Variants in MRTFB observed in about 807,000 individuals in gnomAD.
MRTFB encodes myocardin-related transcription factor B.
MRTFB carries 29 observed loss-of-function variants against 104.2 expected under a neutral mutation model. That is an observed-to-expected ratio of 0.28 (90% CI 0.21 to 0.38). MRTFB has a LOEUF of 0.38. Among genes scored for constraint, MRTFB ranks in the 10% least tolerant of loss-of-function variants. The probability of loss-of-function intolerance (pLI) is 1.00; values close to 1 mark genes in which losing one functional copy is unlikely to be tolerated. For missense variants in MRTFB, 1,270 were observed against 1,341.6 expected, an observed-to-expected ratio of 0.95 and a Z score of 0.83; for synonymous variants, 535 against 519.5, an observed-to-expected ratio of 1.03 and a Z score of -0.41.
At chr16:14,027,946 A>G in the MRTFB span, among the ~76,000 whole-genome samples, 1 of 152,170 alleles carries the variant, frequency 6.6e-6, no homozygotes, top group Non-Finnish European at 1.5e-5. Context: ...GGAGGCTAAG[A>G]CAGGCAGATG....
At chr16:14,106,747 A>T (rs562512024) in intron 2 of MRTFB, among the ~76,000 whole-genome samples, 1 of 152,296 alleles carries the variant, frequency 6.6e-6, no homozygotes, top group East Asian at 1.9e-4. Flanking sequence ...TGGATGACAA[A>T]TCTTGTTTGT....
intron 10 of MRTFB, among the ~76,000 whole-genome samples, chr16:14,243,864 G>GTTTGTTTTTTTTTTTT (rs750881308): frequency 7.2e-5 from 9 of 124,674 alleles, no homozygotes; most frequent in African/African-American, 3.4e-4. Context: ...CCTGTTTTGG[G>GTTTGTTTTTTTTTTTT]TTTTTTTTTT....
At chr16:14,210,740 T>C (rs1416106641) in intron 4 of MRTFB, among the ~76,000 whole-genome samples, 1 of 152,250 alleles carries the variant, frequency 6.6e-6, no homozygotes, top group East Asian at 1.9e-4. Flanking sequence ...ATGATCTGTG[T>C]ACAGTAATTA....
At chr16:14,033,661 A>G in the MRTFB span, among the ~76,000 whole-genome samples, 1 of 151,946 alleles carries the variant, frequency 6.6e-6, no homozygotes, top group Non-Finnish European at 1.5e-5. Flanking sequence ...TACATGGTGA[A>G]ACCCCATCTC....
At chr16:14,187,088 C>G in intron 3 of MRTFB, 1 of 1,471,376 alleles carries the variant, frequency 6.8e-7, no homozygotes, top group Non-Finnish European at 9.2e-7. Flanking sequence ...TTCTGGTCAG[C>G]CAGCTGAGCG....
intron 2 of MRTFB, among the ~76,000 whole-genome samples, chr16:14,080,672 A>G (rs535830356): frequency 4.1e-4 from 63 of 152,140 alleles, no homozygotes; most frequent in African/African-American, 1.3e-3. Context: ...CCGACCTTCT[A>G]ACGCCTCTGG....
chr16:14,126,136 C>T (rs956979350), intron 2 of MRTFB, among the ~76,000 whole-genome samples: 2 of 152,048 alleles, frequency 1.3e-5, no homozygotes, highest in African/African-American at 4.8e-5. Context: ...AGTTTGGTTA[C>T]CTAGTTTCAA....
intron 3 of MRTFB, among the ~76,000 whole-genome samples, chr16:14,168,148 A>ATG (rs1034067063): frequency 3.9e-5 from 6 of 151,910 alleles, no homozygotes; most frequent in Admixed American, 6.6e-5. Context: ...ATGGTTGTAG[A>ATG]TGTGTGGTCT....
chr16:14,046,045 G>C, the MRTFB span, among the ~76,000 whole-genome samples: 2 of 152,180 alleles, frequency 1.3e-5, no homozygotes, highest in Non-Finnish European at 2.9e-5. Flanking sequence ...CGTCTACTTT[G>C]TTGCAAGGCA....
At chr16:14,240,555 A>T (rs1445050823) in intron 10 of MRTFB, 71 bp downstream of exon 10, 16 of 1,608,374 alleles carry the variant, frequency 9.9e-6, no homozygotes, top group Non-Finnish European at 1.2e-5. Flanking sequence ...ATAAGTTACC[A>T]AAAGTTGAAT....
Position 14,240,835 on chromosome 16 carries a change from A to C in MRTFB, c.1079+351A>C, listed in dbSNP as rs752850146. 8 of 672,930 alleles carry C rather than the reference A, an allele frequency of 1.2e-5. No homozygotes were observed. In the East Asian group the frequency reaches 2.1e-4, roughly 17 times the overall value. 41.7% of individuals were successfully genotyped at this position (672,930 alleles called of 1,614,324 possible). A position where few individuals can be genotyped will look rare whatever the true frequency, so the allele number is the denominator to read the frequency against. Reference sequence around the variant, plus strand: ...TGGCATAAACAGCTAAAAGAAGAGAAGGATGGGCATGAAAGCTGGAGTGGT... The same window carrying C: ...TGGCATAAACAGCTAAAAGAAGAGACGGATGGGCATGAAAGCTGGAGTGGT... On this transcript the variant is annotated intron_variant, in intron 10 of 16. Transcript: ENST00000571589.
intron 1 of MRTFB, among the ~76,000 whole-genome samples, chr16:14,071,681 C>T (rs769563851): frequency 2.6e-5 from 4 of 152,272 alleles, no homozygotes; most frequent in East Asian, 1.9e-4. Flanking sequence ...TATGGAGCCT[C>T]TGCTGTGTGC....
chr16:14,157,714 G>C (rs557404133), intron 3 of MRTFB, among the ~76,000 whole-genome samples: 176 of 152,118 alleles, frequency 1.2e-3, no homozygotes, highest in Non-Finnish European at 2.1e-3. Context: ...TATTGAGTTT[G>C]GTTCTCAGGT....
chr16:14,252,203 A>G (rs367711118), intron 14 of MRTFB, among the ~76,000 whole-genome samples, 162 bp from the exon 15 acceptor site: 1 of 152,164 alleles, frequency 6.6e-6, no homozygotes, highest in African/African-American at 2.4e-5. Flanking sequence ...GTTCGCACAT[A>G]AGGTGGCCAC....
At chr16:14,234,023 A>T in intron 8 of MRTFB, 123 bp from the exon 9 acceptor site, 1 of 1,192,524 alleles carries the variant, frequency 8.4e-7, no homozygotes, top group Non-Finnish European at 1.2e-6. Context: ...ACATAATCAT[A>T]TATTTTTCCT....
At chr16:14,216,503 G>GT (rs1184800221) in intron 6 of MRTFB, among the ~76,000 whole-genome samples, 4 of 152,168 alleles carry the variant, frequency 2.6e-5, no homozygotes, top group African/African-American at 9.7e-5. Context: ...TTATGCATTT[G>GT]TAAGTAGATG....
chr16:14,221,720 C>T (rs2041716952), intron 8 of MRTFB, among the ~76,000 whole-genome samples: 1 of 151,568 alleles, frequency 6.6e-6, no homozygotes, highest in Non-Finnish European at 1.5e-5. Flanking sequence ...TTGCTGTTGA[C>T]CAGTCCTCGA....
the MRTFB span, among the ~76,000 whole-genome samples, chr16:14,023,610 C>CACACACATACATATACAT: frequency 7.5e-5 from 8 of 106,910 alleles, no homozygotes; most frequent in African/African-American, 2.6e-4. Flanking sequence ...CACACACACA[C>CACACACATACATATACAT]ATACATATAC....
chr16:14,118,950 A>G lies in MRTFB; in HGVS notation c.-63-21594A>G, dbSNP rs149319455. Among the ~76,000 whole-genome samples the G allele has an allele frequency of 2.5e-3, 385 of 152,076 alleles. 1 individual carries two copies. The highest frequency in any genetic ancestry group is 8.9e-3 in the African/African-American group (367 of 41,458). ...AATTCTTTCAGTTTTGTTGTATGAT[A>G]TTTTAGGACTACACTACAGTTTATC... On this transcript the variant is annotated intron_variant, in intron 2 of 16. Coordinates refer to ENST00000571589, the MANE Select transcript of MRTFB (RefSeq NM_001308142.2).
Sources: gnomAD v4.1 joint callset for allele counts (sites outside exome capture counted in the v4.1 genomes callset) on GRCh38, gnomAD v4.1.1 for gene constraint, MANE v1.5 for transcripts, NCBI Gene and HGNC (gene_info 2026-07-23, HGNC 2026-07-21) for gene names.